Variants in SEMA3A observed in about 807,000 individuals in gnomAD.
SEMA3A encodes the protein semaphorin 3A.
In SEMA3A, 29 loss-of-function variants were observed where a neutral mutation model predicts 97.9. That is an observed-to-expected ratio of 0.30 (90% CI 0.22 to 0.40). SEMA3A has a LOEUF of 0.40. Among genes scored for constraint, SEMA3A ranks in the 10% least tolerant of loss-of-function variants. The pLI is 1.00. For synonymous variants in SEMA3A, 321 were observed against 323.7 expected, an observed-to-expected ratio of 0.99 and a Z score of 0.09; for missense variants, 763 against 951.3, an observed-to-expected ratio of 0.80 and a Z score of 2.60.
chr7:84,266,145 C>T (rs1799994803), intron 3 of SEMA3A, among the ~76,000 whole-genome samples: 1 of 151,290 alleles, frequency 6.6e-6, no homozygotes, highest in Admixed American at 6.6e-5. Flanking sequence ...ATGGCAAAAC[C>T]CTGTCTCTAC....
At position 84,258,611 on chromosome 7, in the gene SEMA3A, A is replaced by G. The variant is rs183963475; in HGVS notation, c.-83+48596T>C. ...TATCCCCTATGTTTCATTTTTTGAT[A>G]TCTGAGAGTTGAATAATATTTTAAA... On this transcript the variant is annotated intron_variant, in intron 3 of 3. Coordinates refer to the SEMA3A transcript ENST00000424555. Among the ~76,000 whole-genome samples, 251 of 152,258 alleles carry G rather than the reference A, an allele frequency of 1.6e-3. 2 individuals carry two copies. Among genetic ancestry groups the G allele is most frequent in the Non-Finnish European group, 1.2e-4 (8 of 68,004 alleles).
intron 3 of SEMA3A, among the ~76,000 whole-genome samples, chr7:84,243,062 G>A (rs999202369): frequency 2.6e-5 from 4 of 152,150 alleles, no homozygotes; most frequent in South Asian, 2.1e-4. Context: ...GTATTTTATT[G>A]AAGATTTTCA....
At chr7:84,492,626 A>G (rs1163682769) in exon 1 of SEMA3A, 1 of 152,158 alleles carries the variant, frequency 6.6e-6, no homozygotes, top group African/African-American at 2.4e-5. Context: ...GAGCCAGTCA[A>G]GACACAGCAC....
intron 1 of SEMA3A, among the ~76,000 whole-genome samples, chr7:84,473,141 G>GGTGTGTGTGTGTGTGTGTGTGTGT (rs61623414): frequency 1.8e-4 from 26 of 141,512 alleles, no homozygotes; most frequent in Admixed American, 1.7e-3. Context: ...AAAAAGAAAT[G>GGTGTGTGTGTGTGTGTGTGTGTGT]GTGTGTGTGT....
chr7:84,228,104 C>A (rs1799032152), intron 3 of SEMA3A, among the ~76,000 whole-genome samples: 1 of 151,942 alleles, frequency 6.6e-6, no homozygotes, highest in African/African-American at 2.4e-5. Flanking sequence ...AGAGATGTGG[C>A]AACATAGATG....
At chr7:84,075,491 C>G (rs1224491002) in intron 4 of SEMA3A, among the ~76,000 whole-genome samples, 1 of 137,482 alleles carries the variant, frequency 7.3e-6, no homozygotes, top group Non-Finnish European at 1.5e-5. Flanking sequence ...CAGAGTCTAG[C>G]TCTGTCACCA....
At chr7:84,280,595 C>T (rs1299793432) in intron 3 of SEMA3A, among the ~76,000 whole-genome samples, 2 of 151,856 alleles carry the variant, frequency 1.3e-5, no homozygotes, top group Admixed American at 6.6e-5. Context: ...ACCAGCCTGG[C>T]CAACATGGTG....
intron 2 of SEMA3A, among the ~76,000 whole-genome samples, chr7:84,346,023 T>A (rs561927722): frequency 2.6e-5 from 4 of 152,346 alleles, no homozygotes; most frequent in South Asian, 4.1e-4. Context: ...GTCAGTGATC[T>A]TAGCTAGACA....
In SEMA3A at chr7:84,278,157, A is replaced by G. The variant is rs143562784; in HGVS notation, c.-83+29050T>C. ...CCTAAATAATCAGTCTCAAGTTCAA[A>G]GTTCCACAGGTCCCTAGGGCAGGGG... On this transcript the variant is annotated intron_variant, in intron 3 of 3. Transcript: ENST00000424555. Among the ~76,000 whole-genome samples, 912 of 152,232 alleles carry G rather than the reference A, an allele frequency of 6.0e-3. 4 individuals are homozygous for G. Among genetic ancestry groups the G allele is most frequent in the Non-Finnish European group, 9.2e-3 (627 of 68,010 alleles).
At chr7:84,033,772 C>A (rs919573281) in intron 6 of SEMA3A, among the ~76,000 whole-genome samples, 3 of 152,178 alleles carry the variant, frequency 2.0e-5, no homozygotes, top group Middle Eastern at 3.4e-3. Context: ...GGTACAGATT[C>A]TCATTCAATA....
chr7:84,237,970 T>A (rs1185742141), intron 3 of SEMA3A, among the ~76,000 whole-genome samples: 2 of 152,016 alleles, frequency 1.3e-5, no homozygotes, highest in Non-Finnish European at 2.9e-5. Context: ...ACCATCTCTA[T>A]GGAGGAATAG....
chr7:84,475,723 A>C (rs1328612861), intron 1 of SEMA3A, among the ~76,000 whole-genome samples: 1 of 152,184 alleles, frequency 6.6e-6, no homozygotes, highest in Admixed American at 6.5e-5. Context: ...TGAGTACAGG[A>C]ATATGGGTTT....
chr7:84,117,738 G>A (rs1176489211), intron 3 of SEMA3A, among the ~76,000 whole-genome samples: 8 of 152,144 alleles, frequency 5.3e-5, no homozygotes, highest in South Asian at 2.1e-4. Flanking sequence ...ACCAGTCCCC[G>A]GTGCCAAAAA....
intron 4 of SEMA3A, among the ~76,000 whole-genome samples, chr7:84,086,160 A>G (rs149517329): frequency 5.2e-4 from 79 of 152,158 alleles, no homozygotes; most frequent in Middle Eastern, 3.4e-3. Flanking sequence ...TGATGTGGCT[A>G]CTACAATCAC....
chr7:84,285,090 T>G (rs561037013), intron 3 of SEMA3A, among the ~76,000 whole-genome samples: 51 of 152,134 alleles, frequency 3.4e-4, no homozygotes, highest in Non-Finnish European at 5.9e-4. Flanking sequence ...TTATTTTATT[T>G]TATTATTTGT....
chr7:83,967,784 T>G (rs1788762008), intron 15 of SEMA3A, among the ~76,000 whole-genome samples: 1 of 152,140 alleles, frequency 6.6e-6, no homozygotes, highest in South Asian at 2.1e-4. Context: ...CTATCAATTT[T>G]AAAAATTTTG....
chr7:84,434,082 T>C (rs182463863), intron 1 of SEMA3A, among the ~76,000 whole-genome samples: 48 of 152,328 alleles, frequency 3.2e-4, no homozygotes, highest in African/African-American at 1.1e-3. Context: ...TTTAATCAGA[T>C]GCCATTTGTC....
At chr7:84,108,466 T>C (rs1795178190) in intron 4 of SEMA3A, among the ~76,000 whole-genome samples, 2 of 152,134 alleles carry the variant, frequency 1.3e-5, no homozygotes, top group Non-Finnish European at 2.9e-5. Context: ...AAAAGATTGT[T>C]TTTAGTTTGT....
At chr7:84,374,441 A>T (rs1194483604) in intron 1 of SEMA3A, among the ~76,000 whole-genome samples, 1 of 152,202 alleles carries the variant, frequency 6.6e-6, no homozygotes, top group East Asian at 1.9e-4. Context: ...TATCTTTCAT[A>T]CACTTACATT....
Sources: gnomAD v4.1 joint callset for allele counts (sites outside exome capture counted in the v4.1 genomes callset) on GRCh38, gnomAD v4.1.1 for gene constraint, MANE v1.5 for transcripts, NCBI Gene and HGNC (gene_info 2026-07-23, HGNC 2026-07-21) for gene names.